BACH2: variants seen among roughly 807,000 people sequenced by gnomAD.
BACH2 encodes BACH transcriptional regulator 2.
BACH2 carries 5 observed loss-of-function variants against 61.8 expected under a neutral mutation model. The ratio of observed to expected loss-of-function variants is 0.08; its 90% CI spans 0.04 to 0.17. BACH2 has a LOEUF of 0.17. Ranked by LOEUF, BACH2 falls within the 10% of genes least tolerant of loss-of-function variation. The pLI is 1.00. For synonymous variants in BACH2, 446 were observed against 440.1 expected, an observed-to-expected ratio of 1.01 and a Z score of -0.17; for missense variants, 824 against 1,091.1, an observed-to-expected ratio of 0.76 and a Z score of 3.45.
intron 4 of BACH2, among the ~76,000 whole-genome samples, chr6:90,151,534 T>C (rs1231486097): frequency 6.6e-6 from 1 of 152,194 alleles, no homozygotes; most frequent in Non-Finnish European, 1.5e-5. Flanking sequence ...CAAACGATGT[T>C]CCCACCTTGG....
chr6:90,212,854 G>C (rs1769404117), intron 3 of BACH2, among the ~76,000 whole-genome samples: 1 of 152,124 alleles, frequency 6.6e-6, no homozygotes, highest in African/African-American at 2.4e-5. Context: ...GGCCAGGAAG[G>C]GCCAAGAGTG....
At chr6:90,202,759 A>C (rs868361536) in intron 4 of BACH2, among the ~76,000 whole-genome samples, 6 of 152,240 alleles carry the variant, frequency 3.9e-5, no homozygotes, top group Admixed American at 1.3e-4. Flanking sequence ...GGAGAAGAGT[A>C]AAGGATCATA....
intron 4 of BACH2, among the ~76,000 whole-genome samples, chr6:90,175,979 G>A (rs2501718): frequency 0.13 from 19,950 of 151,932 alleles, 2,058 homozygotes; most frequent in African/African-American, 0.28. Context: ...TGTTAACCCT[G>A]CCCTGCCTTG....
chr6:89,996,378 T>C (rs1284549093), intron 6 of BACH2, among the ~76,000 whole-genome samples: 4 of 152,242 alleles, frequency 2.6e-5, no homozygotes, highest in Non-Finnish European at 5.9e-5. Context: ...TAGACAGATA[T>C]TCCTTAAACT....
chr6:89,974,749 G>A (rs1775560972), intron 6 of BACH2, among the ~76,000 whole-genome samples: 1 of 152,082 alleles, frequency 6.6e-6, no homozygotes, highest in Non-Finnish European at 1.5e-5. Flanking sequence ...GAGGTATATG[G>A]GCTCCAGCTT....
intron 4 of BACH2, among the ~76,000 whole-genome samples, chr6:90,157,041 A>G (rs1204143336): frequency 6.6e-6 from 1 of 152,200 alleles, no homozygotes; most frequent in Non-Finnish European, 1.5e-5. Context: ...CGCACTCTTC[A>G]AGAGCTTCAA....
chr6:90,175,015 C>T (rs1767940723), intron 4 of BACH2, among the ~76,000 whole-genome samples: 1 of 151,654 alleles, frequency 6.6e-6, no homozygotes, highest in South Asian at 2.1e-4. Flanking sequence ...ATAAGGGTTT[C>T]AGTAGCAATG....
chr6:90,245,417 T>A (rs930498299), intron 3 of BACH2, among the ~76,000 whole-genome samples: 1 of 152,070 alleles, frequency 6.6e-6, no homozygotes, highest in African/African-American at 2.4e-5. Flanking sequence ...ATAGAGAGAC[T>A]CTGTTTCTAA....
chr6:90,127,277 G>A lies in BACH2; in HGVS notation c.-161-38168C>T, dbSNP rs900923227. ...CCTCCAGGTAAGGATTTCCCGCTCC[G>A]CTCCGGGGTTGATGGCTGCAGGCAT... On this transcript the variant is annotated intron_variant, in intron 4 of 8. Coordinates refer to ENST00000257749, the MANE Select transcript of BACH2 (RefSeq NM_021813.4). Among the ~76,000 whole-genome samples, 6 of 152,168 alleles carry A rather than the reference G, an allele frequency of 3.9e-5. No homozygotes were observed. The East Asian group carries it at 1.2e-3, about 29-fold the overall frequency.
chr6:89,992,160 CCTTTCTGTTTCT>C (rs1776611187), intron 6 of BACH2, among the ~76,000 whole-genome samples: 1 of 152,140 alleles, frequency 6.6e-6, no homozygotes, highest in Admixed American at 6.5e-5. Context: ...TCCTGTTTAT[CCTTTCTGTTTCT>C]TTTTACAAAG....
chr6:90,085,847 C>A (rs966339416), intron 5 of BACH2, among the ~76,000 whole-genome samples: 1 of 152,080 alleles, frequency 6.6e-6, no homozygotes, highest in Non-Finnish European at 1.5e-5. Context: ...ATAAAATTTA[C>A]CATTTTACCC....
intron 2 of BACH2, among the ~76,000 whole-genome samples, chr6:90,257,673 G>T (rs552660587): frequency 1.6e-4 from 25 of 152,290 alleles, no homozygotes; most frequent in East Asian, 7.7e-4. Context: ...TTGGAATATT[G>T]GGATATACTG....
In BACH2 at chr6:89,938,264, T is replaced by C; in HGVS notation, c.1923A>G (p.Ser641=). The change falls in exon 8 of 9, where the codon TCA becomes TCG. Residue 641 remains serine, a synonymous_variant. Transcript: ENST00000257749. ...QMMIKMHKLT[S]EQLEFIHDVR... is the part of the protein sequence containing the mutation. ...CATCATGAATAAACTCTAACTGTTC[T>C]GAGGTTAGCTTGTGCATTTTAATCA... 1.2e-6 allele frequency: 2 copies of C among 1,614,238 alleles called. No individual in the cohort carries two copies. Among genetic ancestry groups the C allele is most frequent in the Non-Finnish European group, 1.7e-6 (2 of 1,180,020 alleles).
intron 6 of BACH2, among the ~76,000 whole-genome samples, chr6:89,963,199 C>A (rs1390797977): frequency 1.3e-5 from 2 of 152,164 alleles, no homozygotes; most frequent in Non-Finnish European, 2.9e-5. Flanking sequence ...ACCTTACACC[C>A]ACTGGGATGA....
At chr6:89,978,466 T>C (rs189982836) in intron 6 of BACH2, among the ~76,000 whole-genome samples, 2 of 152,158 alleles carry the variant, frequency 1.3e-5, no homozygotes, top group Non-Finnish European at 2.9e-5. Context: ...GCATTGTAAT[T>C]AACTATAGGC....
At chr6:90,111,292 C>A (rs1191256572) in intron 4 of BACH2, among the ~76,000 whole-genome samples, 7 of 152,200 alleles carry the variant, frequency 4.6e-5, no homozygotes, top group African/African-American at 1.7e-4. Context: ...AAAAAAGCCT[C>A]CTTGATGGTC....
chr6:90,124,531 G>A (rs369918666), intron 4 of BACH2, among the ~76,000 whole-genome samples: 3 of 152,126 alleles, frequency 2.0e-5, no homozygotes. Context: ...CTGCAAATAT[G>A]TTATATCCCT....
intron 4 of BACH2, among the ~76,000 whole-genome samples, chr6:90,139,703 G>A (rs922506377): frequency 4.6e-5 from 7 of 152,192 alleles, no homozygotes; most frequent in Non-Finnish European, 8.8e-5. Context: ...GTTCGGATGT[G>A]TCCTTATCTT....
chr6:90,275,083 A>T (rs1582557397), intron 1 of BACH2, among the ~76,000 whole-genome samples: 1 of 152,346 alleles, frequency 6.6e-6, no homozygotes, highest in South Asian at 2.1e-4. Context: ...AAAAGGCTGG[A>T]TTTTGTTGAT....
Sources: allele counts gnomAD v4.1 joint callset (sites outside exome capture counted in the v4.1 genomes callset), GRCh38; gene constraint gnomAD v4.1.1; transcripts MANE v1.5; gene names NCBI Gene and HGNC (gene_info 2026-07-23, HGNC 2026-07-21).